Variants in JMJD1C observed in about 807,000 individuals in gnomAD.
JMJD1C encodes jumonji domain containing 1C, also known as jumonji domain-containing protein 1C.
A neutral mutation model predicts 245.3 loss-of-function variants in JMJD1C; 31 were observed. The ratio of observed to expected loss-of-function variants is 0.13; its 90% CI spans 0.09 to 0.17. JMJD1C has a LOEUF of 0.17. JMJD1C is among the 10% of genes least tolerant of loss of function. The pLI is 1.00. For synonymous variants in JMJD1C, 1,057 were observed against 1,017.4 expected (o/e 1.04, Z -0.74); for missense variants, 2,691 against 3,000.2 (o/e 0.90, Z 2.41).
At chr10:63,222,632 A>G in intron 3 of JMJD1C, 6 of 1,577,022 alleles carry the variant, frequency 3.8e-6, no homozygotes, top group Admixed American at 3.3e-5. Flanking sequence ...ATTTTTGGAC[A>G]TAATTAAAAG....
At chr10:63,261,793 A>G (rs1047053521) in intron 3 of JMJD1C, among the ~76,000 whole-genome samples, 2 of 152,228 alleles carry the variant, frequency 1.3e-5, no homozygotes, top group Non-Finnish European at 2.9e-5. Flanking sequence ...AAAGGAAACT[A>G]AAGAAAAACA....
intron 1 of JMJD1C, among the ~76,000 whole-genome samples, chr10:63,390,739 C>T (rs1456418003): frequency 3.3e-5 from 5 of 152,020 alleles, no homozygotes; most frequent in East Asian, 3.8e-4. Context: ...ATATGTAAAT[C>T]GACAGTCATG....
intron 3 of JMJD1C, among the ~76,000 whole-genome samples, chr10:63,236,526 T>C (rs1850752890): frequency 6.6e-6 from 1 of 152,214 alleles, no homozygotes; most frequent in Non-Finnish European, 1.5e-5. Flanking sequence ...TTTATTGGCA[T>C]GACTTTTACA....
intron 2 of JMJD1C, among the ~76,000 whole-genome samples, chr10:63,334,611 C>T (rs1942500638): frequency 6.6e-6 from 1 of 152,032 alleles, no homozygotes; most frequent in Non-Finnish European, 1.5e-5. Flanking sequence ...GTCCCAGCTA[C>T]TCGGGAGGCT....
chr10:63,361,615 CTTAAG>C (rs758685585), intron 2 of JMJD1C, among the ~76,000 whole-genome samples: 2 of 147,310 alleles, frequency 1.4e-5, no homozygotes, highest in Non-Finnish European at 1.5e-5. Context: ...TACAGCATGT[CTTAAG>C]TTAAGGACTC....
rs144661647 is a variant in JMJD1C at position 63,201,971 on chromosome 10, T to C, written c.5075-1294A>G. On this transcript the variant is annotated intron_variant, in intron 10 of 25. Coordinates refer to ENST00000399262, the MANE Select transcript of JMJD1C (RefSeq NM_032776.3). ...GAAAGAAAAAAAAAAGCAAGCTATGTTGGGGTCCAGGTGCAGTGGCTCATG... is the reference window on the plus strand; with the variant it reads ...GAAAGAAAAAAAAAAGCAAGCTATGCTGGGGTCCAGGTGCAGTGGCTCATG... 3.2e-3 allele frequency among the ~76,000 whole-genome samples: 486 copies of C among 151,268 alleles called. 3 individuals are homozygous for C. The highest frequency in any genetic ancestry group is 0.011 in the African/African-American group (460 of 41,280).
At chr10:63,377,151 G>A (rs1004098857) in intron 2 of JMJD1C, among the ~76,000 whole-genome samples, 7 of 145,672 alleles carry the variant, frequency 4.8e-5, no homozygotes, top group African/African-American at 2.0e-4. Flanking sequence ...GACATTGTCA[G>A]TGAAATGAGC....
chr10:63,319,361 CT>C (rs142067090), intron 2 of JMJD1C, among the ~76,000 whole-genome samples: 31 of 144,036 alleles, frequency 2.2e-4, no homozygotes, highest in African/African-American at 6.1e-4. Flanking sequence ...TTGTTTGTGA[CT>C]TTTTTTTTTC....
intron 1 of JMJD1C, chr10:63,427,429 ACTG>A: frequency 1.8e-6 from 2 of 1,132,110 alleles, no homozygotes; most frequent in Non-Finnish European, 1.3e-6. Context: ...CCGGGAGGTG[ACTG>A]CTGACCAGAA....
At chr10:63,335,692 G>C (rs1177741424) in intron 2 of JMJD1C, among the ~76,000 whole-genome samples, 2 of 152,090 alleles carry the variant, frequency 1.3e-5, no homozygotes, top group African/African-American at 4.8e-5. Flanking sequence ...TGTATTTTTA[G>C]TACAGACGGG....
At chr10:63,194,145 G>C in intron 14 of JMJD1C, 141 bp downstream of exon 14, 2 of 624,706 alleles carry the variant, frequency 3.2e-6, no homozygotes, top group African/African-American at 1.8e-5. Context: ...ATTACATAGA[G>C]GATTTCCAAT....
intron 14 of JMJD1C, 195 bp from the exon 15 acceptor site, chr10:63,193,667 GTTTT>G (rs1361457700): frequency 1.2e-5 from 5 of 407,942 alleles, no homozygotes; most frequent in East Asian, 4.6e-5. Context: ...TGTTTTTTTT[GTTTT>G]TTTGTTTTTT....
rs1842986218 is a variant in JMJD1C, at chr10:63,177,742, T to G, written c.7199A>C (p.Asp2400Ala). The change falls in exon 23 of 26, where the codon GAC (aspartate) becomes GCC (alanine). Residue 2400 changes from aspartate to alanine, a missense_variant. Coordinates refer to ENST00000399262, the MANE Select transcript of JMJD1C (RefSeq NM_032776.3). ...CTTTTGAAGAAATTCCCTTATCTTG[T>G]CAACATCTTTCCCAGCATAAATATG... ...LWHIYAGKDV[D>A]KIREFLQKIS... The G allele has an allele frequency of 6.2e-7, 1 of 1,613,996 alleles. No homozygotes were observed. Among genetic ancestry groups the G allele is most frequent in the Non-Finnish European group, 8.5e-7 (1 of 1,179,990 alleles).
chr10:63,337,568 G>GA (rs1271808424), intron 2 of JMJD1C, among the ~76,000 whole-genome samples: 1 of 45,076 alleles, frequency 2.2e-5, no homozygotes, highest in African/African-American at 1.5e-4. Context: ...GAAAAGAAAA[G>GA]AAAAGAAAAG....
At chr10:63,296,011 ATATT>A (rs2133966382) in intron 2 of JMJD1C, among the ~76,000 whole-genome samples, 1 of 12,818 alleles carries the variant, frequency 7.8e-5, no homozygotes, top group South Asian at 1.8e-3. Flanking sequence ...GTGTATATAT[ATATT>A]TTTTTTTTTT....
chr10:63,376,457 C>T (rs949002179), intron 2 of JMJD1C, among the ~76,000 whole-genome samples: 5 of 151,688 alleles, frequency 3.3e-5, no homozygotes, highest in South Asian at 4.2e-4. Context: ...TTGTGCAGCA[C>T]GGGCCACTGC....
intron 2 of JMJD1C, among the ~76,000 whole-genome samples, chr10:63,285,475 A>G (rs1319121637): frequency 1.3e-5 from 2 of 152,250 alleles, no homozygotes; most frequent in East Asian, 3.9e-4. Context: ...CCCAAATCAG[A>G]AAGATTTGAG....
rs746837241 is a variant in JMJD1C, at chr10:63,206,679, T to C, written c.4990A>G (p.Ile1664Val). 1.9e-6 allele frequency: 3 copies of C among 1,613,586 alleles called. No homozygotes were observed. The South Asian group carries it at 3.3e-5, about 18-fold the overall frequency. Reference sequence around the variant, plus strand: ...CCATTGGGTTTCAAATCTTCTTCTATTTCACCTTTTCTCTTTTGCAAATCA... The same window carrying C: ...CCATTGGGTTTCAAATCTTCTTCTACTTCACCTTTTCTCTTTTGCAAATCA... ...QNDLQKRKGE[I>V]EEDLKPNGVL... Residue 1664 changes from isoleucine (I) to valine (V), a missense_variant, in exon 10 of 26, where the codon ATA becomes GTA. Physicochemically the swap from Ile to Val is conservative, Grantham distance 29. Coordinates refer to ENST00000399262, the MANE Select transcript of JMJD1C (RefSeq NM_032776.3).
At chr10:63,268,440 ATACTT>A (rs148238681) in intron 2 of JMJD1C, among the ~76,000 whole-genome samples, 59 of 152,328 alleles carry the variant, frequency 3.9e-4, no homozygotes, top group African/African-American at 1.4e-3. Flanking sequence ...TTCTGCCATA[ATACTT>A]TAAACAATTA....
Sources: allele counts gnomAD v4.1 joint callset (sites outside exome capture counted in the v4.1 genomes callset), GRCh38; gene constraint gnomAD v4.1.1; transcripts MANE v1.5; gene names NCBI Gene and HGNC (gene_info 2026-07-23, HGNC 2026-07-21).